The following PPL variants were observed in gnomAD, a reference collection of about 807,000 sequenced individuals.
PPL encodes the protein 190 kDa paraneoplastic pemphigus antigen.
PPL carries 198 observed loss-of-function variants against 194.4 expected under a neutral mutation model. That is an observed-to-expected ratio of 1.02 (90% CI 0.91 to 1.15). The LOEUF is 1.15. Among genes scored for constraint, PPL ranks in the 50% most tolerant of loss-of-function variants. PPL has a pLI of 0.00. For synonymous variants in PPL, 1,220 were observed against 972.4 expected (o/e 1.25, Z -4.74); for missense variants, 2,885 against 2,294.8 (o/e 1.26, Z -5.25).
chr16:4,897,159 A>G (rs1285160223), intron 9 of PPL, among the ~76,000 whole-genome samples: 1 of 150,894 alleles, frequency 6.6e-6, no homozygotes, highest in African/African-American at 2.4e-5. Context: ...ACATGGCGAA[A>G]CCCCATCTTT....
intron 6 of PPL, 60 bp from the exon 7 acceptor site, chr16:4,899,444 C>A (rs1303480321): frequency 3.4e-6 from 4 of 1,173,780 alleles, no homozygotes; most frequent in Non-Finnish European, 4.3e-6. Context: ...TGCTCGCTTC[C>A]TTCCCTACCT....
Position 4,893,358 on chromosome 16 carries a change from A to T in PPL, c.1505T>A (p.Leu502Gln), listed in dbSNP as rs755771011. 1.5e-5 allele frequency: 24 copies of T among 1,607,104 alleles called. No individual in the cohort carries two copies. In the Admixed American group the frequency reaches 4.0e-4, roughly 27 times the overall value. ...KTENPGDASD[L>Q]QGRQLLAGLD... is the part of the protein sequence containing the mutation. ...GCCAGCCAGCAGCTGCCGCCCCTGT[A>T]GGTCAGAGGCATCTGTGGAGGGAGG... Residue 502 changes from leucine (L) to glutamine (Q), a missense_variant, in exon 14 of 22, where the codon CTA (leucine) becomes CAA (glutamine). Coordinates refer to ENST00000345988, the MANE Select transcript of PPL (RefSeq NM_002705.5).
At chr16:4,908,814 T>C (rs1380977399) in intron 2 of PPL, among the ~76,000 whole-genome samples, 1 of 152,242 alleles carries the variant, frequency 6.6e-6, no homozygotes, top group African/African-American at 2.4e-5. Context: ...GTGCTGAGAT[T>C]ACAGGCGCGA....
At chr16:4,910,372 A>C (rs752549992) in intron 2 of PPL, among the ~76,000 whole-genome samples, 4 of 152,174 alleles carry the variant, frequency 2.6e-5, no homozygotes, top group Non-Finnish European at 4.4e-5. Flanking sequence ...CCAAATGGGA[A>C]CCATCACTCC....
rs747395004 is a variant in PPL at position 4,888,199 on chromosome 16, T to G, written c.2417A>C (p.Glu806Ala). The change falls in exon 20 of 22, where the codon GAA becomes GCA. Residue 806 changes from glutamate (E) to alanine (A), a missense_variant. Transcript: ENST00000345988. ...QAVKDYELEA[E>A]KLRSLLDLEN... ...CAAGTCGAGAAGAGACCTTAGTTTT[T>G]CTGCTTCTAACTCATAGTCCTGCAT... The G allele has an allele frequency of 6.2e-7, 1 of 1,612,076 alleles. No homozygotes were observed. The highest frequency in any genetic ancestry group is 1.1e-5 in the South Asian group (1 of 91,038).
chr16:4,888,350 TC>T (rs2088252715), intron 19 of PPL, 132 bp from the exon 20 acceptor site: 1 of 647,880 alleles, frequency 1.5e-6, no homozygotes, highest in African/African-American at 1.8e-5. Context: ...GCGTGGGTCT[TC>T]CTCACAGCTG....
rs190987244 is a variant in PPL at position 4,893,613 on chromosome 16, G to A, written c.1420C>T (p.Arg474Trp). 1.5e-4 allele frequency: 246 copies of A among 1,603,610 alleles called. 1 individual carries two copies. Among genetic ancestry groups the A allele is most frequent in the Non-Finnish European group, 1.8e-4 (214 of 1,177,056 alleles). Residue 474 changes from arginine to tryptophan, a missense_variant, in exon 13 of 22, where the codon CGG becomes TGG. Physicochemically the swap from Arg to Trp is moderately radical, Grantham distance 101. Coordinates refer to ENST00000345988, the MANE Select transcript of PPL (RefSeq NM_002705.5). ...CGTTTGCTCCCAGCTGCCTTCTGCC[G>A]CACGCTCCGGTACTGGCTGCCCAGG... is the stretch of plus-strand genomic sequence containing the variant. ...DSLGSQYRSV[R>W]QKAAGSKRTL...
At position 4,902,386 on chromosome 16, in the gene PPL, C is replaced by T. The variant is rs376493900; in HGVS notation, c.438+20G>A. On this transcript the variant is annotated intron_variant, in intron 4 of 21. Transcript: ENST00000345988. The surrounding 1 kb of genome is among the most constrained non-coding windows in gnomAD (Gnocchi z 4.0). Reference sequence around the variant, plus strand: ...TCCCCAGCTGAAACCCTGGAGCCAGCGGCCCCGTCCAGGCCATACCAGCTT... The same window carrying T: ...TCCCCAGCTGAAACCCTGGAGCCAGTGGCCCCGTCCAGGCCATACCAGCTT... 68 of 1,611,816 alleles carry T rather than the reference C, an allele frequency of 4.2e-5. 1 individual carries two copies. In the East Asian group the frequency reaches 8.0e-4, roughly 19 times the overall value.
chr16:4,934,227 C>T (rs977109471), intron 1 of PPL, among the ~76,000 whole-genome samples: 2 of 152,206 alleles, frequency 1.3e-5, no homozygotes, highest in East Asian at 1.9e-4. Context: ...ACGGGAGCAA[C>T]GGGGTTCACA....
At chr16:4,900,766 C>T (rs141527264) in intron 6 of PPL, 64 bp downstream of exon 6, 10 of 1,606,816 alleles carry the variant, frequency 6.2e-6, no homozygotes, top group Admixed American at 1.7e-5. Context: ...TCCTTGTCCC[C>T]CCGACTCCAA....
At chr16:4,903,729 A>G (rs2088623494) in intron 3 of PPL, among the ~76,000 whole-genome samples, 157 bp downstream of exon 3, 1 of 152,070 alleles carries the variant, frequency 6.6e-6, no homozygotes, top group South Asian at 2.1e-4. Context: ...TCAAAAAAAA[A>G]AAAAAGAAAG....
intron 2 of PPL, 39 bp from the exon 3 acceptor site, chr16:4,904,079 C>A: frequency 1.3e-6 from 2 of 1,589,656 alleles, no homozygotes; most frequent in Non-Finnish European, 1.7e-6. Context: ...GAACAGGAGC[C>A]GAGAGCGGGC....
chr16:4,906,369 C>T (rs1337885822), intron 2 of PPL, among the ~76,000 whole-genome samples: 1 of 152,142 alleles, frequency 6.6e-6, no homozygotes, highest in African/African-American at 2.4e-5. Context: ...GGACTGCAGG[C>T]GCCCACCACC....
chr16:4,899,330 G>A lies in PPL; in HGVS notation c.661C>T (p.Arg221Cys), dbSNP rs377591599. The change falls in exon 7 of 22, where the codon CGC becomes TGC. Residue 221 changes from arginine to cysteine, a missense_variant. Physicochemically the swap from Arg to Cys is radical, Grantham distance 180. Transcript: ENST00000345988. ...HLSSLQDYMQ[R>C]CTNELYWLDQ... ...AGCCAGTACAGCTCATTGGTGCAGCGCTGCATGTAGTCCTGCAGCGAACTC... is the reference window on the plus strand; with the variant it reads ...AGCCAGTACAGCTCATTGGTGCAGCACTGCATGTAGTCCTGCAGCGAACTC... The A allele has an allele frequency of 2.3e-5, 37 of 1,613,186 alleles. No individual in the cohort carries two copies. Among genetic ancestry groups the A allele is most frequent in the East Asian group, 1.1e-4 (5 of 44,884 alleles).
At chr16:4,888,811 T>C (rs745373683) in intron 19 of PPL, 167 bp downstream of exon 19, 7 of 692,916 alleles carry the variant, frequency 1.0e-5, no homozygotes, top group Non-Finnish European at 1.8e-5. Context: ...TCTAGTACCA[T>C]GCTGTTTTCC....
intron 2 of PPL, 28 bp from the exon 3 acceptor site, chr16:4,904,068 T>C (rs1596561607): frequency 3.1e-6 from 5 of 1,603,266 alleles, no homozygotes; most frequent in Non-Finnish European, 4.2e-6. Context: ...GAGGGGACAA[T>C]GAACAGGAGC....
intron 1 of PPL, among the ~76,000 whole-genome samples, chr16:4,923,487 T>C (rs2089093311): frequency 6.6e-6 from 1 of 152,118 alleles, no homozygotes; most frequent in Admixed American, 6.5e-5. Context: ...CTTCCAGCCA[T>C]CAGCGACCTG....
chr16:4,917,651 A>G (rs1218509033), intron 1 of PPL, among the ~76,000 whole-genome samples: 2 of 152,158 alleles, frequency 1.3e-5, no homozygotes, highest in Non-Finnish European at 1.5e-5. Context: ...CTATAATCCC[A>G]GCACTTTGGG....
intron 1 of PPL, among the ~76,000 whole-genome samples, chr16:4,921,307 G>A (rs1403770812): frequency 6.6e-6 from 1 of 152,206 alleles, no homozygotes; most frequent in Non-Finnish European, 1.5e-5. Context: ...GGCTTCCTGG[G>A]TCTGAGCCCG....
Sources: gnomAD v4.1 joint callset for allele counts (sites outside exome capture counted in the v4.1 genomes callset) on GRCh38, gnomAD v4.1.1 for gene constraint, Gnocchi (gnomAD v3.1) non-coding constraint, MANE v1.5 for transcripts, NCBI Gene and HGNC (gene_info 2026-07-23, HGNC 2026-07-21) for gene names.